FIP1L1: variants seen among roughly 807,000 people sequenced by gnomAD.
FIP1L1 encodes the protein factor interacting with PAPOLA and CPSF1.
In FIP1L1, 21 loss-of-function variants were observed where a neutral mutation model predicts 84.6. That is an observed-to-expected ratio of 0.25 (90% CI 0.18 to 0.36). FIP1L1 has a LOEUF of 0.36. FIP1L1 is among the 10% of genes least tolerant of loss of function. The probability of loss-of-function intolerance (pLI) is 1.00; values close to 1 mark genes in which losing one functional copy is unlikely to be tolerated. For missense variants in FIP1L1, 526 were observed against 751.1 expected, an observed-to-expected ratio of 0.70 and a Z score of 3.50; for synonymous variants, 263 against 242.3, an observed-to-expected ratio of 1.09 and a Z score of -0.80.
At chr4:53,421,614 A>C (rs1341602380) in intron 11 of FIP1L1, among the ~76,000 whole-genome samples, 3 of 152,254 alleles carry the variant, frequency 2.0e-5, no homozygotes, top group South Asian at 4.1e-4. Context: ...TGAGATAGCC[A>C]CATTCTAGGC....
At chr4:53,403,856 T>G (rs1751595454) in intron 10 of FIP1L1, among the ~76,000 whole-genome samples, 1 of 152,128 alleles carries the variant, frequency 6.6e-6, no homozygotes, top group Non-Finnish European at 1.5e-5. Context: ...GTTGTGCTGG[T>G]ATTCAGAAAG....
At position 53,428,333 on chromosome 4, in the gene FIP1L1, A is replaced by G. The variant is rs527443273; in HGVS notation, c.1174+150A>G. ...AACAGATTCACACTGAAACAGATATATATATGTTTATTGCTATTTCAATAT... is the reference window on the plus strand; with the variant it reads ...AACAGATTCACACTGAAACAGATATGTATATGTTTATTGCTATTTCAATAT... On this transcript the variant is annotated intron_variant, in intron 13 of 17. Transcript: ENST00000337488. The G allele has an allele frequency of 1.5e-5, 10 of 647,172 alleles. No individual in the cohort carries two copies. The East Asian group carries it at 3.0e-4, about 19-fold the overall frequency. 40.1% of individuals were successfully genotyped at this position (647,172 alleles called of 1,614,324 possible). A position where few individuals can be genotyped will look rare whatever the true frequency, so the allele number is the denominator to read the frequency against.
At chr4:53,420,296 G>A (rs1366146972) in intron 11 of FIP1L1, among the ~76,000 whole-genome samples, 1 of 150,704 alleles carries the variant, frequency 6.6e-6, no homozygotes, top group African/African-American at 2.4e-5. Context: ...GCTGGGCGTG[G>A]TAGCATGCGT....
chr4:53,432,335 T>C (rs1388270637), intron 13 of FIP1L1, among the ~76,000 whole-genome samples: 1 of 132,004 alleles, frequency 7.6e-6, no homozygotes, highest in Non-Finnish European at 1.5e-5. Context: ...GAGACAGAGG[T>C]TGCAGTGAGC....
chr4:53,436,091 C>G (rs2150133632), intron 13 of FIP1L1, among the ~76,000 whole-genome samples: 1 of 152,204 alleles, frequency 6.6e-6, no homozygotes, highest in East Asian at 1.9e-4. Flanking sequence ...TTTACATATT[C>G]TGCCATTTTT....
chr4:53,416,479 A>AC (rs1759557597), intron 11 of FIP1L1, among the ~76,000 whole-genome samples: 3 of 152,198 alleles, frequency 2.0e-5, no homozygotes, highest in African/African-American at 7.2e-5. Flanking sequence ...GCCTCTTCAA[A>AC]CCTGAAACTC....
In FIP1L1 at chr4:53,377,686, C is replaced by G; in HGVS notation, c.-153C>G. ...GCGCTGGAGGCTTCATCTTTGCCGCCGCTGCCGTCGCCTTCCTGGGATTGG... is the reference window on the plus strand; with the variant it reads ...GCGCTGGAGGCTTCATCTTTGCCGCGGCTGCCGTCGCCTTCCTGGGATTGG... On this transcript the variant is annotated 5_prime_UTR_variant, in exon 1 of 18. Coordinates refer to ENST00000337488, the MANE Select transcript of FIP1L1 (RefSeq NM_030917.4). 1.5e-6 allele frequency: 1 copy of G among 651,858 alleles called. No homozygotes were observed. The highest frequency in any genetic ancestry group is 2.5e-6 in the Non-Finnish European group (1 of 404,492). 40.4% of individuals were successfully genotyped at this position (651,858 alleles called of 1,614,324 possible).
At chr4:53,380,441 T>C (rs2149251502) in intron 3 of FIP1L1, among the ~76,000 whole-genome samples, 1 of 152,340 alleles carries the variant, frequency 6.6e-6, no homozygotes, top group South Asian at 2.1e-4. Flanking sequence ...AAAGTTCCTT[T>C]TGGGAGTGAT....
At chr4:53,385,086 TA>T (rs1371309676) in intron 5 of FIP1L1, among the ~76,000 whole-genome samples, 10 of 152,234 alleles carry the variant, frequency 6.6e-5, no homozygotes, top group African/African-American at 2.2e-4. Flanking sequence ...TTTTTCATGT[TA>T]GGGGTGGATA....
intron 8 of FIP1L1, 66 bp downstream of exon 8, chr4:53,391,205 A>G: frequency 6.7e-7 from 1 of 1,503,208 alleles, no homozygotes; most frequent in Admixed American, 2.2e-5. Flanking sequence ...CCCCAAATAA[A>G]TCGCTTCCCT....
At chr4:53,379,886 A>G (rs1736875063) in intron 3 of FIP1L1, among the ~76,000 whole-genome samples, 2 of 152,234 alleles carry the variant, frequency 1.3e-5, no homozygotes. Context: ...GACCACATGC[A>G]TTAGTGTCTG....
chr4:53,458,804 T>C lies in FIP1L1; in HGVS notation c.1637+14T>C. The C allele has an allele frequency of 6.2e-7, 1 of 1,608,090 alleles. No homozygotes were observed. Among genetic ancestry groups the C allele is most frequent in the Non-Finnish European group, 8.5e-7 (1 of 1,177,192 alleles). Reference sequence around the variant, plus strand: ...GTCTTCTCGAAGGTTTGCTCTTTAATAAAATAGTGAACCAATAGTATGTGA... The same window carrying C: ...GTCTTCTCGAAGGTTTGCTCTTTAACAAAATAGTGAACCAATAGTATGTGA... On this transcript the variant is annotated intron_variant, in intron 17 of 17. Coordinates refer to ENST00000337488, the MANE Select transcript of FIP1L1 (RefSeq NM_030917.4).
intron 15 of FIP1L1, among the ~76,000 whole-genome samples, chr4:53,451,476 A>C (rs1715888086): frequency 6.6e-6 from 1 of 151,538 alleles, no homozygotes; most frequent in Non-Finnish European, 1.5e-5. Flanking sequence ...TTAACTGTCC[A>C]CCTACATCTT....
intron 15 of FIP1L1, 77 bp from the exon 16 acceptor site, chr4:53,452,843 T>A: frequency 9.8e-7 from 1 of 1,024,248 alleles, no homozygotes; most frequent in Non-Finnish European, 1.5e-6. Context: ...TATTATAATC[T>A]CATGACACAT....
At chr4:53,445,359 A>G (rs1254382895) in intron 15 of FIP1L1, among the ~76,000 whole-genome samples, 1 of 152,146 alleles carries the variant, frequency 6.6e-6, no homozygotes, top group African/African-American at 2.4e-5. Context: ...GTGGGGGAGT[A>G]AAAAATAATT....
chr4:53,405,904 T>C (rs1753144420), intron 10 of FIP1L1, among the ~76,000 whole-genome samples: 1 of 151,882 alleles, frequency 6.6e-6, no homozygotes, highest in South Asian at 2.1e-4. Flanking sequence ...TAAGGAGATT[T>C]TGGGCTGAGA....
intron 10 of FIP1L1, among the ~76,000 whole-genome samples, chr4:53,410,161 G>A (rs765609015): frequency 2.6e-5 from 4 of 152,128 alleles, no homozygotes; most frequent in Non-Finnish European, 4.4e-5. Flanking sequence ...ACTTTTCATC[G>A]CACATCACAG....
chr4:53,410,614 A>G (rs1303210613), intron 10 of FIP1L1, among the ~76,000 whole-genome samples: 2 of 151,182 alleles, frequency 1.3e-5, no homozygotes, highest in African/African-American at 2.5e-5. Flanking sequence ...TAAAATAAAC[A>G]TAAAATAAAC....
intron 1 of FIP1L1, chr4:53,378,174 C>T: frequency 2.7e-6 from 1 of 369,482 alleles, no homozygotes. Flanking sequence ...GTGACCGGTC[C>T]TGGCCCCCGG....
Sources: allele counts gnomAD v4.1 joint callset (sites outside exome capture counted in the v4.1 genomes callset), GRCh38; gene constraint gnomAD v4.1.1; transcripts MANE v1.5; gene names NCBI Gene and HGNC (gene_info 2026-07-23, HGNC 2026-07-21).